Variants in TACC2 observed in about 807,000 individuals in gnomAD.
The protein encoded by TACC2 is transforming acidic coiled-coil containing protein 2.
TACC2 carries 137 observed loss-of-function variants against 227.3 expected under a neutral mutation model. The ratio of observed to expected loss-of-function variants is 0.60; its 90% CI spans 0.52 to 0.69. The LOEUF (loss-of-function observed/expected upper bound fraction) is 0.69, where lower values mean the gene tolerates loss of function less well. Among genes scored for constraint, TACC2 ranks in the 30% least tolerant of loss-of-function variants. The pLI is 0.00. For synonymous variants in TACC2, 1,523 were observed against 1,487.5 expected (o/e 1.02, Z -0.55); for missense variants, 3,470 against 3,694.4 (o/e 0.94, Z 1.57).
At chr10:122,077,196 T>C (rs117615837) in intron 3 of TACC2, among the ~76,000 whole-genome samples, 6,289 of 152,014 alleles carry the variant, frequency 0.041, 182 homozygotes, top group South Asian at 0.12. Flanking sequence ...ATATTTAGTA[T>C]CCTTGATTTG....
intron 16 of TACC2, among the ~76,000 whole-genome samples, chr10:122,235,852 CTG>C (rs903837164): frequency 6.6e-6 from 1 of 152,096 alleles, no homozygotes; most frequent in Non-Finnish European, 1.5e-5. Context: ...GAGCGAGTCT[CTG>C]GGGTCTGCTT....
chr10:122,088,644 G>A, intron 5 of TACC2, 53 bp downstream of exon 5: 1 of 1,583,818 alleles, frequency 6.3e-7, no homozygotes, highest in Non-Finnish European at 8.6e-7. Flanking sequence ...CTTAGATACA[G>A]ACACACTGGA....
At chr10:122,126,008 A>G (rs866819555) in intron 5 of TACC2, among the ~76,000 whole-genome samples, 80 of 151,760 alleles carry the variant, frequency 5.3e-4, no homozygotes, top group African/African-American at 1.8e-3. Context: ...CGATCTCCTG[A>G]CCTCGTGATC....
intron 8 of TACC2, among the ~76,000 whole-genome samples, chr10:122,196,162 A>G (rs900320868): frequency 1.1e-4 from 16 of 152,230 alleles, no homozygotes; most frequent in African/African-American, 3.9e-4. Context: ...GGAGCCAGGT[A>G]AACTGAACAA....
At chr10:122,119,069 A>C (rs2085242335) in intron 5 of TACC2, among the ~76,000 whole-genome samples, 2 of 152,220 alleles carry the variant, frequency 1.3e-5, no homozygotes, top group South Asian at 4.1e-4. Context: ...ATTGTGAAAC[A>C]TCTCCAGAAC....
At chr10:122,240,748 T>C (rs1472040175) in intron 18 of TACC2, among the ~76,000 whole-genome samples, 2 of 152,216 alleles carry the variant, frequency 1.3e-5, no homozygotes, top group African/African-American at 4.8e-5. Context: ...GGAATAATTA[T>C]TGGATAATGT....
At position 122,084,482 on chromosome 10, in the gene TACC2, A is replaced by C. The variant is rs770626137; in HGVS notation, c.1982A>C (p.His661Pro). 6 of 1,613,190 alleles carry C rather than the reference A, an allele frequency of 3.7e-6. No individual in the cohort carries two copies. In the South Asian group the frequency reaches 6.6e-5, roughly 18 times the overall value. ...GAGGCTGATGCATCTGGCCTACCAC[A>C]CAAGCTGGGTGAGGAGGACCCCGTC... ...TAEADASGLP[H>P]KLGEEDPVLP... The change falls in exon 4 of 23, where the codon CAC becomes CCC. Residue 661 changes from histidine (H) to proline (P), a missense_variant. Physicochemically the swap from His to Pro is moderately conservative, Grantham distance 77. Transcript: ENST00000369005.
intron 5 of TACC2, among the ~76,000 whole-genome samples, chr10:122,096,384 G>A (rs11200398): frequency 0.45 from 68,049 of 151,986 alleles, 15,963 homozygotes; most frequent in African/African-American, 0.59. Flanking sequence ...CAAACCCCCC[G>A]GTGGCCACAC....
At chr10:122,072,841 C>T (rs187807056) in intron 3 of TACC2, among the ~76,000 whole-genome samples, 10 of 152,152 alleles carry the variant, frequency 6.6e-5, no homozygotes, top group Admixed American at 3.3e-4. Context: ...GAGGGCCGGG[C>T]GTGGCGGCTC....
At chr10:122,233,945 C>T (rs922090927) in intron 16 of TACC2, among the ~76,000 whole-genome samples, 1 of 152,202 alleles carries the variant, frequency 6.6e-6, no homozygotes, top group African/African-American at 2.4e-5. Context: ...GGAGGCCACT[C>T]TCCTGCGCGG....
rs535809135 is a variant in TACC2, at chr10:122,198,315, G to A, written c.5971+3139G>A. ...GGGCCAGGACTCAGCTCATCTGAAC[G>A]CAGTTCCCTTATCTGTGAAATGAAG... On this transcript the variant is annotated intron_variant, in intron 8 of 22. Coordinates refer to ENST00000369005, the MANE Select transcript of TACC2 (RefSeq NM_206862.4). Among the ~76,000 whole-genome samples the A allele has an allele frequency of 9.9e-5, 15 of 152,230 alleles. No homozygotes were observed. In the South Asian group the frequency reaches 1.5e-3, roughly 15 times the overall value.
At chr10:122,002,315 A>G (rs1224742521) in intron 1 of TACC2, among the ~76,000 whole-genome samples, 1 of 152,172 alleles carries the variant, frequency 6.6e-6, no homozygotes, top group Non-Finnish European at 1.5e-5. Context: ...AGGGGGTATA[A>G]CATTCAGTCT....
intron 2 of TACC2, among the ~76,000 whole-genome samples, chr10:122,037,267 T>G (rs1960707264): frequency 6.6e-6 from 1 of 152,190 alleles, no homozygotes; most frequent in Admixed American, 6.5e-5. Context: ...GCCAGGGAGC[T>G]GGGTGAGGGC....
chr10:122,134,530 A>G (rs1328891376), intron 6 of TACC2, among the ~76,000 whole-genome samples: 1 of 151,016 alleles, frequency 6.6e-6, no homozygotes, highest in Admixed American at 6.6e-5. Context: ...TAAAGGAAAA[A>G]CCCTAGCTGC....
At chr10:122,220,901 C>G (rs2095510978) in intron 11 of TACC2, among the ~76,000 whole-genome samples, 1 of 152,266 alleles carries the variant, frequency 6.6e-6, no homozygotes, top group East Asian at 1.9e-4. Flanking sequence ...TAGTGACTCC[C>G]CCAGTGTCCT....
chr10:122,185,842 T>C (rs887456120), intron 7 of TACC2, among the ~76,000 whole-genome samples: 6 of 152,374 alleles, frequency 3.9e-5, no homozygotes, highest in Admixed American at 3.9e-4. Flanking sequence ...TACAAGGACT[T>C]TAATGACAAC....
chr10:122,197,797 A>G (rs973739979), intron 8 of TACC2, among the ~76,000 whole-genome samples: 1 of 152,212 alleles, frequency 6.6e-6, no homozygotes. Flanking sequence ...CTTGGGCTGT[A>G]CAAAGATCCA....
In TACC2 at chr10:122,242,712, T is replaced by C. The variant is rs186470343; in HGVS notation, c.8392+711T>C. ...AAGTTCTAAGCCCAAGTTTTTATGC[T>C]AATGGTCACTATTCAGAAATCATAT... On this transcript the variant is annotated intron_variant, in intron 19 of 22. Coordinates refer to ENST00000369005, the MANE Select transcript of TACC2 (RefSeq NM_206862.4). 5.0e-4 allele frequency among the ~76,000 whole-genome samples: 76 copies of C among 152,328 alleles called. 1 individual carries two copies. Among genetic ancestry groups the C allele is most frequent in the Admixed American group, 2.1e-3 (32 of 15,308 alleles).
chr10:122,005,698 CTTTTTTTTTTTTT>C (rs1955019636), intron 1 of TACC2, among the ~76,000 whole-genome samples: 1 of 66,598 alleles, frequency 1.5e-5, no homozygotes, highest in Non-Finnish European at 3.3e-5. Flanking sequence ...TTTTTTTTTT[CTTTTTTTTTTTTT>C]GAGATGGAGT....
Sources: allele counts gnomAD v4.1 joint callset (sites outside exome capture counted in the v4.1 genomes callset), GRCh38; gene constraint gnomAD v4.1.1; transcripts MANE v1.5; gene names NCBI Gene and HGNC (gene_info 2026-07-23, HGNC 2026-07-21).